Variants in GRIA4 observed in about 807,000 individuals in gnomAD.
GRIA4 encodes the protein glutamate receptor 4.
GRIA4 carries 34 observed loss-of-function variants against 104.0 expected under a neutral mutation model. The observed-to-expected ratio is 0.33, with a 90% CI of 0.25 to 0.44. The LOEUF (loss-of-function observed/expected upper bound fraction) is 0.44, where lower values mean the gene tolerates loss of function less well. GRIA4 is among the 20% of genes least tolerant of loss of function. GRIA4 has a pLI of 1.00. For synonymous variants in GRIA4, 386 were observed against 381.9 expected (o/e 1.01, Z -0.13); for missense variants, 750 against 1,096.5 (o/e 0.68, Z 4.46).
chr11:105,691,935 CAAAAAAA>C (rs202074069), intron 3 of GRIA4, among the ~76,000 whole-genome samples: 4 of 76,340 alleles, frequency 5.2e-5, no homozygotes, highest in African/African-American at 2.1e-4. Flanking sequence ...AACTCCGTCT[CAAAAAAA>C]AAAAAAAAAA....
chr11:105,948,031 C>A (rs181036274), intron 14 of GRIA4, among the ~76,000 whole-genome samples: 3 of 152,128 alleles, frequency 2.0e-5, no homozygotes, highest in African/African-American at 7.2e-5. Context: ...CAGATGTGAG[C>A]CCCCATGTAT....
At chr11:105,649,577 A>T (rs1951628836) in intron 3 of GRIA4, among the ~76,000 whole-genome samples, 2 of 152,130 alleles carry the variant, frequency 1.3e-5, no homozygotes, top group South Asian at 4.1e-4. Context: ...TTGTTGTATA[A>T]CTAAAAATAA....
chr11:105,626,856 A>G (rs1277468482), intron 3 of GRIA4, among the ~76,000 whole-genome samples: 1 of 152,210 alleles, frequency 6.6e-6, no homozygotes, highest in African/African-American at 2.4e-5. Context: ...GATGCAAAAA[A>G]AGATGTCCTC....
At chr11:105,804,454 C>T (rs1043570984) in intron 4 of GRIA4, among the ~76,000 whole-genome samples, 1 of 151,642 alleles carries the variant, frequency 6.6e-6, no homozygotes, top group African/African-American at 2.4e-5. Context: ...AGCAGAATCC[C>T]CCACTTAACA....
chr11:105,963,472 A>G (rs1948790298), intron 14 of GRIA4, among the ~76,000 whole-genome samples: 1 of 152,146 alleles, frequency 6.6e-6, no homozygotes, highest in Non-Finnish European at 1.5e-5. Context: ...ATCTCCAGAT[A>G]TTGATTACAA....
At chr11:105,948,701 G>A (rs1948391316) in intron 14 of GRIA4, among the ~76,000 whole-genome samples, 1 of 150,290 alleles carries the variant, frequency 6.7e-6, no homozygotes, top group Non-Finnish European at 1.5e-5. Context: ...CGCCTCCCGG[G>A]TGCAAGCGAC....
intron 16 of GRIA4, 111 bp from the exon 17 acceptor site, chr11:105,979,464 T>C: frequency 3.2e-6 from 3 of 940,474 alleles, no homozygotes; most frequent in South Asian, 3.2e-5. Context: ...ATGGAAAAAA[T>C]GCAGATGTCT....
intron 16 of GRIA4, among the ~76,000 whole-genome samples, chr11:105,975,833 T>C (rs1405943538): frequency 6.6e-6 from 1 of 152,094 alleles, no homozygotes; most frequent in Non-Finnish European, 1.5e-5. Flanking sequence ...GCCATCCCTT[T>C]TTATCAAGAT....
chr11:105,690,579 T>A (rs1238831398), intron 3 of GRIA4, among the ~76,000 whole-genome samples: 1 of 152,156 alleles, frequency 6.6e-6, no homozygotes, highest in Non-Finnish European at 1.5e-5. Flanking sequence ...GAAGCAAACA[T>A]TCCAAATGAA....
At chr11:105,866,567 A>ATATATG (rs1555031873) in intron 5 of GRIA4, among the ~76,000 whole-genome samples, 9 of 114,850 alleles carry the variant, frequency 7.8e-5, no homozygotes, top group Non-Finnish European at 1.4e-4. Context: ...ATATATATAT[A>ATATATG]TATATATATA....
At chr11:105,807,095 C>G (rs911926422) in intron 4 of GRIA4, among the ~76,000 whole-genome samples, 10 of 151,660 alleles carry the variant, frequency 6.6e-5, no homozygotes, top group African/African-American at 2.4e-4. Context: ...TTGAACAGAG[C>G]CATGGATGGC....
At chr11:105,735,499 T>A (rs1938877610) in intron 3 of GRIA4, among the ~76,000 whole-genome samples, 1 of 152,190 alleles carries the variant, frequency 6.6e-6, no homozygotes, top group Non-Finnish European at 1.5e-5. Context: ...AAGGTAGACA[T>A]TCCTTTCTCA....
intron 14 of GRIA4, among the ~76,000 whole-genome samples, chr11:105,952,352 G>A (rs1034257593): frequency 6.6e-6 from 1 of 152,022 alleles, no homozygotes; most frequent in Admixed American, 6.5e-5. Context: ...ATGACCCAAA[G>A]TAGGTAAAAA....
chr11:105,780,143 T>C (rs532897678), intron 4 of GRIA4, among the ~76,000 whole-genome samples: 1 of 152,240 alleles, frequency 6.6e-6, no homozygotes, highest in Admixed American at 6.5e-5. Context: ...CGTTACCTAA[T>C]GCTATTTCAT....
chr11:105,902,716 T>C (rs1946902931), intron 7 of GRIA4, among the ~76,000 whole-genome samples: 1 of 152,198 alleles, frequency 6.6e-6, no homozygotes, highest in African/African-American at 2.4e-5. Flanking sequence ...ATCCTCCACT[T>C]TCTACAGCAC....
chr11:105,689,683 G>C (rs1305174422), intron 3 of GRIA4, among the ~76,000 whole-genome samples: 1 of 152,188 alleles, frequency 6.6e-6, no homozygotes, highest in African/African-American at 2.4e-5. Flanking sequence ...CAAAAACACT[G>C]AACAGGACAT....
At chr11:105,635,293 C>T (rs913559658) in intron 3 of GRIA4, among the ~76,000 whole-genome samples, 1 of 152,030 alleles carries the variant, frequency 6.6e-6, no homozygotes, top group Middle Eastern at 3.2e-3. Flanking sequence ...ATTTGAATTA[C>T]AAGCATACTA....
chr11:105,940,050 T>C (rs1189657974), intron 14 of GRIA4, among the ~76,000 whole-genome samples: 1 of 151,944 alleles, frequency 6.6e-6, no homozygotes, highest in Non-Finnish European at 1.5e-5. Context: ...AGCGTGGTGG[T>C]AGAGTACAGA....
At chr11:105,786,592 T>C (rs370334843) in intron 4 of GRIA4, among the ~76,000 whole-genome samples, 1 of 152,180 alleles carries the variant, frequency 6.6e-6, no homozygotes, top group African/African-American at 2.4e-5. Flanking sequence ...AAATATTACA[T>C]AGTACATAAC....
Sources: gnomAD v4.1 joint callset for allele counts (sites outside exome capture counted in the v4.1 genomes callset) on GRCh38, gnomAD v4.1.1 for gene constraint, MANE v1.5 for transcripts, NCBI Gene and HGNC (gene_info 2026-07-23, HGNC 2026-07-21) for gene names.